NAALADL2: variants seen among roughly 807,000 people sequenced by gnomAD.
NAALADL2 encodes N-acetylated alpha-linked acidic dipeptidase like 2, also known as inactive N-acetylated-alpha-linked acidic dipeptidase-like protein 2.
Under a neutral mutation model 87.2 loss-of-function variants are expected in NAALADL2, and 76 were observed. That is an observed-to-expected ratio of 0.87 (90% confidence interval 0.72 to 1.05). The LOEUF (loss-of-function observed/expected upper bound fraction) is 1.05. NAALADL2 is among the 50% of genes least tolerant of loss of function. The pLI, the probability that NAALADL2 is intolerant of heterozygous loss-of-function variation, is 0.00. For synonymous variants in NAALADL2, 354 were observed against 331.0 expected (o/e 1.07, Z -0.75); for missense variants, 1,089 against 945.8 (o/e 1.15, Z -1.99).
At chr3:175,725,878 T>C (rs1382848088) in intron 11 of NAALADL2, among the ~76,000 whole-genome samples, 4 of 152,290 alleles carry the variant, frequency 2.6e-5, no homozygotes, top group Non-Finnish European at 4.4e-5. Context: ...CAACAAATGT[T>C]AGCTGCTGTT....
intron 10 of NAALADL2, among the ~76,000 whole-genome samples, chr3:175,595,723 T>C (rs1283814193): frequency 6.6e-6 from 1 of 151,568 alleles, no homozygotes; most frequent in Non-Finnish European, 1.5e-5. Flanking sequence ...TAAAACACTG[T>C]TGAAAGAAAT....
Position 175,588,631 on chromosome 3 carries a change from T to C in NAALADL2, c.1800+12444T>C, listed in dbSNP as rs557600788. Among the ~76,000 whole-genome samples the C allele has an allele frequency of 5.6e-5, 8 of 142,086 alleles. No individual in the cohort carries two copies. In the East Asian group the frequency reaches 9.4e-4, roughly 17 times the overall value. The allele number at this position is 142,086 out of a possible 152,430, so 93.2% of individuals were successfully genotyped here. A position where few individuals can be genotyped will look rare whatever the true frequency, so the allele number is the denominator to read the frequency against. Reference sequence around the variant, plus strand: ...TCGGCTCACTGCAAGCTCCGCCTCCTGGGTTCACGCCATTCACCTGCCTCA... The same window carrying C: ...TCGGCTCACTGCAAGCTCCGCCTCCCGGGTTCACGCCATTCACCTGCCTCA... On this transcript the variant is annotated intron_variant, in intron 10 of 13. Transcript: ENST00000454872.
chr3:175,124,934 G>A (rs904036493), intron 2 of NAALADL2, among the ~76,000 whole-genome samples: 3 of 151,928 alleles, frequency 2.0e-5, no homozygotes, highest in Admixed American at 2.0e-4. Context: ...GAGCACTAAA[G>A]TTTTGTTTTT....
chr3:174,570,155 A>AAAAC (rs1448362526), intron 2 of NAALADL2, among the ~76,000 whole-genome samples: 1 of 152,004 alleles, frequency 6.6e-6, no homozygotes, highest in Non-Finnish European at 1.5e-5. Context: ...TTCATGTCTG[A>AAAAC]AAACAAGTTT....
chr3:175,260,781 G>A (rs1243346936), intron 4 of NAALADL2, among the ~76,000 whole-genome samples: 1 of 152,164 alleles, frequency 6.6e-6, no homozygotes, highest in Non-Finnish European at 1.5e-5. Context: ...CCGAGCTAGG[G>A]AGGGCAAAGG....
At chr3:175,450,962 A>G (rs1022863370) in intron 6 of NAALADL2, among the ~76,000 whole-genome samples, 9 of 152,120 alleles carry the variant, frequency 5.9e-5, no homozygotes, top group African/African-American at 2.2e-4. Context: ...ACCTGAAAAT[A>G]AAGTCAACAT....
At chr3:174,842,262 G>T (rs1269227665) in intron 3 of NAALADL2, among the ~76,000 whole-genome samples, 2 of 152,004 alleles carry the variant, frequency 1.3e-5, no homozygotes, top group Non-Finnish European at 2.9e-5. Flanking sequence ...TGTTGGTCAG[G>T]CTGGTCTCGA....
chr3:174,850,181 G>C (rs181169789), intron 3 of NAALADL2, among the ~76,000 whole-genome samples: 82 of 152,140 alleles, frequency 5.4e-4, no homozygotes, highest in African/African-American at 1.8e-3. Context: ...TTCTAGGTTG[G>C]AAGTATTTTT....
chr3:175,572,052 G>A (rs1364560280), intron 9 of NAALADL2, among the ~76,000 whole-genome samples: 1 of 152,044 alleles, frequency 6.6e-6, no homozygotes, highest in African/African-American at 2.4e-5. Context: ...ATGGGGTGGG[G>A]GAATGGTGAG....
chr3:175,296,675 A>G (rs115214953), intron 4 of NAALADL2, among the ~76,000 whole-genome samples: 2 of 152,136 alleles, frequency 1.3e-5, no homozygotes, highest in East Asian at 3.9e-4. Flanking sequence ...CCATATCCAA[A>G]CCTTAATGTT....
intron 2 of NAALADL2, among the ~76,000 whole-genome samples, chr3:174,674,475 G>A (rs528454790): frequency 6.6e-6 from 1 of 151,918 alleles, no homozygotes; most frequent in Non-Finnish European, 1.5e-5. Flanking sequence ...TTTGTTTCAA[G>A]GGATGATGTC....
chr3:175,637,572 G>C (rs1175957168), intron 11 of NAALADL2, among the ~76,000 whole-genome samples: 1 of 151,982 alleles, frequency 6.6e-6, no homozygotes, highest in South Asian at 2.1e-4. Context: ...CAATAGCATG[G>C]CACCTCCCCA....
intron 4 of NAALADL2, among the ~76,000 whole-genome samples, chr3:175,274,512 C>T (rs1285351254): frequency 6.6e-6 from 1 of 152,148 alleles, no homozygotes; most frequent in Non-Finnish European, 1.5e-5. Flanking sequence ...ATGTGCACTT[C>T]TTTATTTTGT....
chr3:175,758,292 G>T (rs936238863), intron 13 of NAALADL2, among the ~76,000 whole-genome samples: 2 of 151,964 alleles, frequency 1.3e-5, no homozygotes, highest in East Asian at 3.9e-4. Context: ...AAAGTTTCTG[G>T]TTCACTCTTT....
chr3:174,441,848 C>T (rs993797548), intron 1 of NAALADL2, among the ~76,000 whole-genome samples: 1 of 151,474 alleles, frequency 6.6e-6, no homozygotes, highest in Non-Finnish European at 1.5e-5. Flanking sequence ...ACCTATGGTC[C>T]TTAAGCTGTC....
At chr3:175,644,627 C>G (rs768119324) in intron 11 of NAALADL2, among the ~76,000 whole-genome samples, 2 of 152,078 alleles carry the variant, frequency 1.3e-5, no homozygotes, top group Admixed American at 1.3e-4. Context: ...GAACACAATA[C>G]GTTTTAGACA....
intron 5 of NAALADL2, among the ~76,000 whole-genome samples, chr3:175,345,406 A>G (rs6772835): frequency 0.95 from 144,012 of 152,174 alleles, 68,225 homozygotes; most frequent in East Asian, 0.99. Context: ...TCTTTTTGAC[A>G]TCAGTTTTTT....
At chr3:174,873,364 C>T (rs533822725) in intron 1 of NAALADL2, among the ~76,000 whole-genome samples, 35 of 152,136 alleles carry the variant, frequency 2.3e-4, no homozygotes, top group Admixed American at 1.9e-3. Flanking sequence ...AAGTGATTCT[C>T]CTGCCTCAGC....
At chr3:174,863,683 T>G in intron 1 of NAALADL2, 1 of 170,846 alleles carries the variant, frequency 5.9e-6, no homozygotes, top group Non-Finnish European at 1.2e-5. Flanking sequence ...ACTGGTTTGG[T>G]GTGCATGCTT....
Sources: gnomAD v4.1 joint callset for allele counts (sites outside exome capture counted in the v4.1 genomes callset) on GRCh38, gnomAD v4.1.1 for gene constraint, MANE v1.5 for transcripts, NCBI Gene and HGNC (gene_info 2026-07-23, HGNC 2026-07-21) for gene names.